Variants in LONP1 observed in about 807,000 individuals in gnomAD.
LONP1 encodes the protein lon protease homolog, mitochondrial.
A neutral mutation model predicts 98.5 loss-of-function variants in LONP1; 31 were observed. The observed-to-expected ratio is 0.31, with a 90% confidence interval of 0.24 to 0.42. The LOEUF is 0.42. Ranked by LOEUF, LONP1 falls within the 20% of genes least tolerant of loss-of-function variation. The probability of loss-of-function intolerance (pLI) is 1.00; values close to 1 mark genes in which losing one functional copy is unlikely to be tolerated. For synonymous variants in LONP1, 781 were observed against 594.7 expected (o/e 1.31, Z -4.56); for missense variants, 1,336 against 1,350.6 (o/e 0.99, Z 0.17).
intron 1 of LONP1, among the ~76,000 whole-genome samples, chr19:5,714,516 G>A (rs1436252695): frequency 6.6e-6 from 1 of 151,624 alleles, no homozygotes; most frequent in Admixed American, 6.6e-5. Context: ...TATTGGCCAG[G>A]TTGGTCTCGA....
chr19:5,710,427 A>C, intron 4 of LONP1, among the ~76,000 whole-genome samples: 1 of 147,692 alleles, frequency 6.8e-6, no homozygotes, highest in Admixed American at 6.7e-5. Context: ...ACAGGGTCTC[A>C]CTCTGTTGCC....
At chr19:5,694,292 C>A in intron 15 of LONP1, 95 bp downstream of exon 15, 1 of 1,519,214 alleles carries the variant, frequency 6.6e-7, no homozygotes, top group Non-Finnish European at 8.9e-7. Flanking sequence ...TCAGAGCCAC[C>A]TGAGGCCCAC....
intron 4 of LONP1, among the ~76,000 whole-genome samples, chr19:5,709,549 A>T (rs2055203111): frequency 6.6e-6 from 1 of 151,946 alleles, no homozygotes; most frequent in Non-Finnish European, 1.5e-5. Context: ...TTGACGCTGA[A>T]CTGTCTGAGC....
At chr19:5,715,460 GGTGAAACCCC>G (rs2055301166) in intron 1 of LONP1, among the ~76,000 whole-genome samples, 1 of 150,342 alleles carries the variant, frequency 6.7e-6, no homozygotes. Context: ...TGGCTAACAC[GGTGAAACCCC>G]GTCTCTACTA....
intron 8 of LONP1, among the ~76,000 whole-genome samples, chr19:5,702,197 G>A (rs1325140531): frequency 2.6e-5 from 4 of 151,096 alleles, no homozygotes; most frequent in African/African-American, 7.3e-5. Flanking sequence ...CCTCCGGGAG[G>A]GAGGAGTGGG....
intron 1 of LONP1, among the ~76,000 whole-genome samples, chr19:5,716,242 A>G (rs1036011919): frequency 3.8e-5 from 5 of 131,082 alleles, no homozygotes; most frequent in Non-Finnish European, 3.2e-5. Context: ...TTTATTATAT[A>G]ATAAAGTTAA....
chr19:5,702,717 C>T lies in LONP1; in HGVS notation c.1368-1790G>A, dbSNP rs1338374504. Among the ~76,000 whole-genome samples, 7 of 152,028 alleles carry T rather than the reference C, an allele frequency of 4.6e-5. No homozygotes were observed. The South Asian group carries it at 6.2e-4, about 14-fold the overall frequency. On this transcript the variant is annotated intron_variant, in intron 8 of 17. Coordinates refer to ENST00000360614, the MANE Select transcript of LONP1 (RefSeq NM_004793.4). ...GGGATCCTGTTGATCGGTGACCTTA[C>T]CCCCAACCCTGTGCTCTCTGAAACA...
chr19:5,701,479 C>T (rs958455092), intron 8 of LONP1, among the ~76,000 whole-genome samples: 1 of 152,184 alleles, frequency 6.6e-6, no homozygotes, highest in Non-Finnish European at 1.5e-5. Context: ...TGCAGGCGCG[C>T]GCCGCCACGC....
At chr19:5,715,979 G>A (rs2055312092) in intron 1 of LONP1, among the ~76,000 whole-genome samples, 1 of 151,842 alleles carries the variant, frequency 6.6e-6, no homozygotes, top group African/African-American at 2.4e-5. Context: ...CAGGTTCAGG[G>A]CTAATGATGT....
chr19:5,712,712 C>T (rs1364944349), intron 3 of LONP1, among the ~76,000 whole-genome samples: 1 of 152,174 alleles, frequency 6.6e-6, no homozygotes, highest in East Asian at 1.9e-4. Flanking sequence ...CCAGGCTGGT[C>T]TCAAACTCCT....
At chr19:5,717,854 ACAGGTG>A (rs2055345983) in intron 1 of LONP1, among the ~76,000 whole-genome samples, 1 of 150,986 alleles carries the variant, frequency 6.6e-6, no homozygotes, top group African/African-American at 2.4e-5. Flanking sequence ...AGCTGGGAAG[ACAGGTG>A]CATGCCACTG....
intron 4 of LONP1, among the ~76,000 whole-genome samples, chr19:5,711,157 T>C (rs2055231042): frequency 2.6e-5 from 4 of 152,200 alleles, no homozygotes; most frequent in Non-Finnish European, 1.5e-5. Context: ...ACATCACCAG[T>C]TGCTCACAGC....
intron 10 of LONP1, 132 bp downstream of exon 10, chr19:5,698,895 C>T: frequency 1.0e-6 from 1 of 957,884 alleles, no homozygotes; most frequent in Non-Finnish European, 1.5e-6. Context: ...TTTTCAGTTA[C>T]TCCAGCATGA....
chr19:5,693,262 C>T, intron 17 of LONP1, 36 bp downstream of exon 17: 1 of 1,580,250 alleles, frequency 6.3e-7, no homozygotes, highest in Non-Finnish European at 8.6e-7. Context: ...GGTGTGGGCC[C>T]TGCCAGTGCT....
chr19:5,705,834 C>T lies in LONP1; in HGVS notation c.1305G>A (p.Met435Ile). The part of the protein sequence containing the change: ...LKELVVPKHV[M>I]DVVDEELSKL... ...TGCTCAGCTCCTCGTCCACAACATCCATGACGTGCTTGGGGACCACGAGCT... is the reference window on the plus strand; with the variant it reads ...TGCTCAGCTCCTCGTCCACAACATCTATGACGTGCTTGGGGACCACGAGCT... The change falls in exon 8 of 18, where the codon ATG (methionine) becomes ATA (isoleucine). Residue 435 changes from methionine (M) to isoleucine (I), a missense_variant. This residue lies in a region of LONP1 where 219 missense variants were observed against 241.0 expected (regional missense o/e 0.91). Coordinates refer to ENST00000360614, the MANE Select transcript of LONP1 (RefSeq NM_004793.4). 2 of 1,614,194 alleles carry T rather than the reference C, an allele frequency of 1.2e-6. No homozygotes were observed. Among genetic ancestry groups the T allele is most frequent in the South Asian group, 1.1e-5 (1 of 91,086 alleles).
At chr19:5,694,229 C>T (rs2054882932) in intron 15 of LONP1, among the ~76,000 whole-genome samples, 158 bp downstream of exon 15, 2 of 152,300 alleles carry the variant, frequency 1.3e-5, no homozygotes, top group Admixed American at 6.5e-5. Context: ...CCTTCCCCTC[C>T]CTCAGCCCAG....
chr19:5,695,760 A>C, intron 13 of LONP1, among the ~76,000 whole-genome samples: 1 of 152,230 alleles, frequency 6.6e-6, no homozygotes, highest in East Asian at 1.9e-4. Flanking sequence ...ACTCTGGGCC[A>C]GGTGGGGGCC....
At position 5,696,390 on chromosome 19, in the gene LONP1, G is replaced by A. The variant is rs1430874431; in HGVS notation, c.1774-19C>T. 6.2e-7 allele frequency: 1 copy of A among 1,610,962 alleles called. No homozygotes were observed. The highest frequency in any genetic ancestry group is 8.5e-7 in the Non-Finnish European group (1 of 1,178,592). On this transcript the variant is annotated intron_variant, in intron 11 of 17. Transcript: ENST00000360614. ...TGTCCACCTGGGGCAGCAGACAGCA[G>A]GTGGTGCCCCTCGCCGTGCCCCTGG... is the stretch of plus-strand genomic sequence containing the variant.
chr19:5,719,794 C>T lies in LONP1; in HGVS notation c.339G>A (p.Thr113=). ...GAAACACATCGGGGATCGTCATGGG[C>T]GTGAGCGCCGTTATGACCGGGCCTT... ...AGEGPVITAL[T]PMTIPDVFPH... is the part of the protein sequence containing the mutation. The change falls in exon 1 of 18, where the codon ACG becomes ACA. Residue 113 remains threonine (T), a synonymous_variant. Transcript: ENST00000360614. 6.2e-7 allele frequency: 1 copy of T among 1,612,990 alleles called. No homozygotes were observed. Among genetic ancestry groups the T allele is most frequent in the South Asian group, 1.1e-5 (1 of 91,074 alleles).
Sources: gnomAD v4.1 joint callset for allele counts (sites outside exome capture counted in the v4.1 genomes callset) on GRCh38, gnomAD v4.1.1 for gene constraint, gnomAD v4.1.1 regional missense constraint, MANE v1.5 for transcripts, NCBI Gene and HGNC (gene_info 2026-07-23, HGNC 2026-07-21) for gene names.